The following NRAP variants were observed in gnomAD, a reference collection of about 807,000 sequenced individuals.
The protein encoded by NRAP is nebulin related anchoring protein, also known as nebulin-related-anchoring protein.
In NRAP, 189 loss-of-function variants were observed where a neutral mutation model predicts 225.9. The observed-to-expected ratio is 0.84, with a 90% confidence interval of 0.74 to 0.94. The LOEUF (loss-of-function observed/expected upper bound fraction) is 0.94. Among genes scored for constraint, NRAP ranks in the 40% least tolerant of loss-of-function variants. NRAP has a pLI of 0.00. For missense variants in NRAP, 2,176 were observed against 2,168.7 expected (o/e 1.00, Z -0.07); for synonymous variants, 769 against 790.7 (o/e 0.97, Z 0.46).
In NRAP at chr10:113,622,025, G is replaced by T; in HGVS notation, c.2613C>A (p.Cys871Ter). 1.2e-6 allele frequency: 2 copies of T among 1,614,228 alleles called. No individual in the cohort carries two copies. The highest frequency in any genetic ancestry group is 1.7e-6 in the Non-Finnish European group (2 of 1,180,044). The change falls in exon 24 of 42, where the codon TGC becomes TGA. Residue 871 changes from cysteine to a stop codon, truncating the protein, a stop_gained. Coordinates refer to ENST00000359988, the MANE Select transcript of NRAP (RefSeq NM_198060.4). LOFTEE classifies it high-confidence loss of function. ...KKGFEDTKSQ[C>*]HVSLDMVHLV... Reference sequence around the variant, plus strand: ...GGTGGACCATGTCCAGGGAGACGTGGCATTGGGATTTGGTGTCCTCGAATC... The same window carrying T: ...GGTGGACCATGTCCAGGGAGACGTGTCATTGGGATTTGGTGTCCTCGAATC...
rs1397021250 is a variant in NRAP, at chr10:113,615,695, C to T, written c.3078+17G>A. ...CTCTCCCGTCATTAAAACTCGTGCC[C>T]CTTGGGTCAGCCTCACCTCACTGAT... On this transcript the variant is annotated intron_variant, in intron 27 of 41. Transcript: ENST00000359988. 1.4e-6 allele frequency: 2 copies of T among 1,466,110 alleles called. No homozygotes were observed. The highest frequency in any genetic ancestry group is 9.6e-7 in the Non-Finnish European group (1 of 1,045,074). 90.8% of individuals were successfully genotyped at this position (1,466,110 alleles called of 1,614,324 possible).
chr10:113,606,429 G>C lies in NRAP; in HGVS notation c.3703-147C>G, dbSNP rs535859298. The C allele has an allele frequency of 4.2e-5, 25 of 598,278 alleles. No homozygotes were observed. The South Asian group carries it at 4.6e-4, about 11-fold the overall frequency. The allele number at this position is 598,278 out of a possible 1,614,324, so 37.1% of individuals were successfully genotyped here. On this transcript the variant is annotated intron_variant, in intron 32 of 41. Coordinates refer to ENST00000359988, the MANE Select transcript of NRAP (RefSeq NM_198060.4). ...TGGATACATCTCCAGTCTTGGGGAA[G>C]ATGTTTATTTCAATAAAGACAATCA...
intron 14 of NRAP, 104 bp from the exon 15 acceptor site, chr10:113,634,314 G>A (rs897254554): frequency 1.0e-4 from 78 of 778,838 alleles, no homozygotes; most frequent in South Asian, 4.1e-4. Flanking sequence ...AAATGGCTAC[G>A]TAGAAAAAGA....
At chr10:113,648,556 C>T (rs1254098163) in intron 9 of NRAP, among the ~76,000 whole-genome samples, 1 of 149,232 alleles carries the variant, frequency 6.7e-6, no homozygotes, top group Non-Finnish European at 1.5e-5. Flanking sequence ...ATCCTTTTAA[C>T]AAGTCTAGTT....
At chr10:113,615,624 G>C in intron 27 of NRAP, 88 bp downstream of exon 27, 1 of 764,474 alleles carries the variant, frequency 1.3e-6, no homozygotes, top group Non-Finnish European at 2.4e-6. Context: ...CCAGCTCAGG[G>C]GCTTCTGAGC....
rs1167745013 is a variant in NRAP, at chr10:113,589,347, A to G, written c.5089-268T>C. The G allele has an allele frequency of 5.3e-6, 3 of 567,572 alleles. No homozygotes were observed. In the Admixed American group the frequency reaches 9.8e-5, roughly 19 times the overall value. The allele number at this position is 567,572 out of a possible 1,614,324, so 35.2% of individuals were successfully genotyped here. A position where few individuals can be genotyped will look rare whatever the true frequency, so the allele number is the denominator to read the frequency against. ...GACTGTCATATCCAGCGAGTCCCTGACCCTTTCTGCGAATGTAACGAGCAA... is the reference window on the plus strand; with the variant it reads ...GACTGTCATATCCAGCGAGTCCCTGGCCCTTTCTGCGAATGTAACGAGCAA... On this transcript the variant is annotated intron_variant, in intron 41 of 41. Coordinates refer to ENST00000359988, the MANE Select transcript of NRAP (RefSeq NM_198060.4).
At chr10:113,609,469 C>A (rs1847194418) in intron 31 of NRAP, among the ~76,000 whole-genome samples, 1 of 152,208 alleles carries the variant, frequency 6.6e-6, no homozygotes, top group African/African-American at 2.4e-5. Flanking sequence ...CCCCTCTTGT[C>A]CCTGCATCTA....
intron 2 of NRAP, 72 bp downstream of exon 2, chr10:113,663,280 A>C (rs1443659040): frequency 3.4e-6 from 3 of 889,430 alleles, no homozygotes; most frequent in African/African-American, 1.6e-5. Context: ...ATATGATTTG[A>C]ACGTTTAGTT....
chr10:113,656,147 C>G (rs1427567487), intron 4 of NRAP, among the ~76,000 whole-genome samples: 5 of 152,196 alleles, frequency 3.3e-5, no homozygotes, highest in African/African-American at 1.2e-4. Flanking sequence ...ACAATCTATT[C>G]TCTCTGAAAC....
At position 113,620,948 on chromosome 10, in the gene NRAP, T is replaced by C. The variant is rs73354049; in HGVS notation, c.2770-240A>G. ...AGGCCCCATCCAACACTATTGGGGG[T>C]GACGCAGGAGGGGCCAAACCAAGCT... On this transcript the variant is annotated intron_variant, in intron 24 of 41. Coordinates refer to ENST00000359988, the MANE Select transcript of NRAP (RefSeq NM_198060.4). 0.034 allele frequency among the ~76,000 whole-genome samples: 5,233 copies of C among 152,082 alleles called. 294 individuals are homozygous for C. The highest frequency in any genetic ancestry group is 0.12 in the African/African-American group (4,888 of 41,454).
At chr10:113,602,475 T>C (rs1484082663) in intron 35 of NRAP, among the ~76,000 whole-genome samples, 1 of 152,110 alleles carries the variant, frequency 6.6e-6, no homozygotes, top group Admixed American at 6.6e-5. Flanking sequence ...ACTTTGTAAG[T>C]GGAACTTGGG....
At chr10:113,644,718 C>T (rs1010068124) in intron 11 of NRAP, among the ~76,000 whole-genome samples, 1 of 152,100 alleles carries the variant, frequency 6.6e-6, no homozygotes, top group Non-Finnish European at 1.5e-5. Context: ...TCAGAGCAGC[C>T]CCAAGTTAGA....
chr10:113,660,099 A>G (rs977139844), intron 3 of NRAP, among the ~76,000 whole-genome samples: 4 of 137,750 alleles, frequency 2.9e-5, no homozygotes, highest in African/African-American at 1.0e-4. Context: ...ATATACACAT[A>G]TATACATACA....
rs1379457322 is a variant in NRAP at position 113,650,078 on chromosome 10, C to T, written c.847G>A (p.Glu283Lys). 5.0e-6 allele frequency: 8 copies of T among 1,612,150 alleles called. No individual in the cohort carries two copies. The African/African-American group carries it at 5.3e-5, about 11-fold the overall frequency. Residue 283 changes from glutamate to lysine, a missense_variant, in exon 9 of 42, where the codon GAG (glutamate) becomes AAG (lysine). Transcript: ENST00000359988. ...GCACATTCCCTTGTCAAGATGCCCTCAGCTCCAATGGCTGGACCAGCCATT... is the reference window on the plus strand; with the variant it reads ...GCACATTCCCTTGTCAAGATGCCCTTAGCTCCAATGGCTGGACCAGCCATT... ...RGMAGPAIGAEGILTRECADQ... is the reference protein window; with the variant it reads ...RGMAGPAIGAKGILTRECADQ...
Position 113,654,021 on chromosome 10 carries a change from C to T in NRAP, c.465G>A (p.Glu155=). Residue 155 remains glutamate, a splice_region_variant and synonymous_variant, in exon 5 of 42, where the codon GAG becomes GAA. Coordinates refer to ENST00000359988, the MANE Select transcript of NRAP (RefSeq NM_198060.4). ...RMVEARKSLG[E]EYTEDYEQPR... ...CTAAAGCAATTTCTAGGGTGCTTAC[C>T]TCACCAAGAGACTTTCGAGCCTCAA... 1 of 1,600,142 alleles carries T rather than the reference C, an allele frequency of 6.2e-7. No individual in the cohort carries two copies. The highest frequency in any genetic ancestry group is 8.6e-7 in the Non-Finnish European group (1 of 1,167,346).
At chr10:113,611,851 T>C (rs1847346127) in intron 30 of NRAP, among the ~76,000 whole-genome samples, 1 of 152,222 alleles carries the variant, frequency 6.6e-6, no homozygotes, top group African/African-American at 2.4e-5. Flanking sequence ...AGGGCATCTT[T>C]GTCATTCAAA....
intron 20 of NRAP, among the ~76,000 whole-genome samples, chr10:113,626,935 T>C (rs1299980624): frequency 6.6e-6 from 1 of 152,176 alleles, no homozygotes; most frequent in South Asian, 2.1e-4. Context: ...GGCTTTTCCA[T>C]TGAAACTGCC....
intron 35 of NRAP, among the ~76,000 whole-genome samples, chr10:113,602,635 G>A (rs969873406): frequency 2.0e-5 from 3 of 152,188 alleles, no homozygotes; most frequent in African/African-American, 4.8e-5. Context: ...AATCATTACT[G>A]CAATTAATAA....
intron 25 of NRAP, among the ~76,000 whole-genome samples, chr10:113,619,330 G>C (rs1421385841): frequency 6.6e-6 from 1 of 152,106 alleles, no homozygotes; most frequent in East Asian, 1.9e-4. Flanking sequence ...TTATTCCTGT[G>C]AGTTCTTCAC....
Sources: allele counts gnomAD v4.1 joint callset (sites outside exome capture counted in the v4.1 genomes callset), GRCh38; gene constraint gnomAD v4.1.1; transcripts MANE v1.5; gene names NCBI Gene and HGNC (gene_info 2026-07-23, HGNC 2026-07-21).